Variants in CPAMD8 observed in about 807,000 individuals in gnomAD.
The protein encoded by CPAMD8 is C3 and PZP like alpha-2-macroglobulin domain containing 8.
A neutral mutation model predicts 224.7 loss-of-function variants in CPAMD8; 146 were observed. The ratio of observed to expected loss-of-function variants is 0.65; its 90% CI spans 0.57 to 0.75. The LOEUF (loss-of-function observed/expected upper bound fraction) is 0.75. CPAMD8 is among the 30% of genes least tolerant of loss of function. CPAMD8 has a pLI of 0.00. For synonymous variants in CPAMD8, 966 were observed against 1,044.6 expected, an observed-to-expected ratio of 0.92 and a Z score of 1.45; for missense variants, 2,301 against 2,537.5, an observed-to-expected ratio of 0.91 and a Z score of 2.00.
In CPAMD8 at chr19:16,898,119, C is replaced by A; in HGVS notation, c.4849-125G>T. 1 of 624,260 alleles carries A rather than the reference C, an allele frequency of 1.6e-6. No homozygotes were observed. The highest frequency in any genetic ancestry group is 2.0e-5 in the South Asian group (1 of 50,662). The allele number at this position is 624,260 out of a possible 1,614,324, so 38.7% of individuals were successfully genotyped here. A position where few individuals can be genotyped will look rare whatever the true frequency, so the allele number is the denominator to read the frequency against. The stretch of plus-strand genomic sequence containing the variant: ...GTGAAACACAGAAGAAACGTGATCC[C>A]ATTTTCTTTTTTTCTTTTACTTTTC... On this transcript the variant is annotated intron_variant, in intron 37 of 41. Transcript: ENST00000443236. The surrounding 1 kb of genome is among the most constrained non-coding windows in gnomAD (Gnocchi z 4.2).
intron 16 of CPAMD8, 63 bp downstream of exon 16, chr19:16,975,939 G>A: frequency 7.1e-7 from 1 of 1,403,892 alleles, no homozygotes; most frequent in Non-Finnish European, 9.4e-7. Flanking sequence ...GATGGGAAAG[G>A]GAGAGCAAGA....
intron 23 of CPAMD8, among the ~76,000 whole-genome samples, chr19:16,934,949 C>T (rs948823141): frequency 6.6e-6 from 1 of 152,100 alleles, no homozygotes; most frequent in African/African-American, 2.4e-5. Flanking sequence ...ACTCTGCACC[C>T]ATTATTACAT....
intron 22 of CPAMD8, 133 bp downstream of exon 22, chr19:16,945,416 G>T: frequency 8.4e-7 from 1 of 1,186,912 alleles, no homozygotes; most frequent in Non-Finnish European, 1.2e-6. Flanking sequence ...AGGCACCTGA[G>T]CTCTCAAGCA....
chr19:16,945,770 T>A, intron 21 of CPAMD8, 91 bp from the exon 22 acceptor site: 1 of 1,161,534 alleles, frequency 8.6e-7, no homozygotes, highest in Non-Finnish European at 1.3e-6. Context: ...TGTGTGTGCA[T>A]GCATGCATGT....
chr19:16,985,306 G>A lies in CPAMD8; in HGVS notation c.1395+4337C>T, dbSNP rs1411843020. Among the ~76,000 whole-genome samples the A allele has an allele frequency of 2.6e-5, 4 of 151,754 alleles. No individual in the cohort carries two copies. In the East Asian group the frequency reaches 7.8e-4, roughly 29 times the overall value. On this transcript the variant is annotated intron_variant, in intron 13 of 41. Transcript: ENST00000443236. ...TGGATGGATGAAGGGTGCATGTATGGATGGATGGATGAAGGGTGGATGAAT... is the reference window on the plus strand; with the variant it reads ...TGGATGGATGAAGGGTGCATGTATGAATGGATGGATGAAGGGTGGATGAAT...
intron 13 of CPAMD8, among the ~76,000 whole-genome samples, chr19:16,981,361 C>CA (rs139294536): frequency 0.057 from 8,546 of 149,626 alleles, 480 homozygotes; most frequent in African/African-American, 0.15. Context: ...ACCCTGTCTC[C>CA]AAAAAAAAAT....
At chr19:16,902,519 A>AAAAAC in intron 35 of CPAMD8, 130 bp downstream of exon 35, 2 of 632,534 alleles carry the variant, frequency 3.2e-6, no homozygotes, top group Admixed American at 2.7e-5. Flanking sequence ...TCTGTCTCAA[A>AAAAAC]AAAACAAAAC....
At chr19:16,922,095 A>C in intron 26 of CPAMD8, 109 bp from the exon 27 acceptor site, 1 of 690,470 alleles carries the variant, frequency 1.4e-6, no homozygotes, top group African/African-American at 1.8e-5. Flanking sequence ...CCGAAGCCAC[A>C]CCACATGTGG....
intron 7 of CPAMD8, among the ~76,000 whole-genome samples, chr19:17,005,907 G>T (rs1201349715): frequency 6.6e-6 from 1 of 152,112 alleles, no homozygotes; most frequent in African/African-American, 2.4e-5. Flanking sequence ...AGTGCTCCCT[G>T]AGAGAGGGGC....
At chr19:16,916,681 GTGACC>G (rs2052974521) in intron 27 of CPAMD8, among the ~76,000 whole-genome samples, 2 of 152,058 alleles carry the variant, frequency 1.3e-5, no homozygotes, top group Admixed American at 1.3e-4. Flanking sequence ...GGAGGTTGCA[GTGACC>G]TGAGATCGCA....
intron 23 of CPAMD8, among the ~76,000 whole-genome samples, chr19:16,933,418 A>G (rs59805679): frequency 0.049 from 7,516 of 152,232 alleles, 633 homozygotes; most frequent in African/African-American, 0.17. Context: ...TGGGAGAAAT[A>G]TTTTTGCAAA....
chr19:16,973,767 C>T (rs926970517), intron 17 of CPAMD8, among the ~76,000 whole-genome samples: 3 of 152,020 alleles, frequency 2.0e-5, no homozygotes, highest in African/African-American at 7.3e-5. Flanking sequence ...CATCCCAATC[C>T]CTTTCTATCT....
chr19:16,971,581 G>C (rs2055064411), intron 17 of CPAMD8, among the ~76,000 whole-genome samples: 1 of 152,160 alleles, frequency 6.6e-6, no homozygotes, highest in Admixed American at 6.6e-5. Context: ...TGACTGCCAG[G>C]GGCTGAGGGA....
intron 35 of CPAMD8, 87 bp downstream of exon 35, chr19:16,902,562 G>C (rs188980187): frequency 1.3e-6 from 1 of 768,544 alleles, no homozygotes; most frequent in East Asian, 2.8e-5. Flanking sequence ...GCCTGGAGCC[G>C]GAAGCTCCTC....
rs547247253 is a variant in CPAMD8, at chr19:16,897,650, G to A, written c.5065+41C>T. 159 of 1,183,904 alleles carry A rather than the reference G, an allele frequency of 1.3e-4. 1 individual carries two copies. In the African/African-American group the frequency reaches 2.2e-3, roughly 16 times the overall value. The allele number at this position is 1,183,904 out of a possible 1,614,324, so 73.3% of individuals were successfully genotyped here. The stretch of plus-strand genomic sequence containing the variant: ...GTCCGAGGGTGGGAGTCGGGGTGTG[G>A]CAGGCCGCGGTGGGGGGCGGCAGTG... On this transcript the variant is annotated intron_variant, in intron 39 of 41. Transcript: ENST00000443236.
At chr19:16,924,872 AC>A (rs2053303509) in intron 26 of CPAMD8, among the ~76,000 whole-genome samples, 1 of 152,326 alleles carries the variant, frequency 6.6e-6, no homozygotes, top group Non-Finnish European at 1.5e-5. Context: ...GGCATCAGCC[AC>A]TGTGCCTGGC....
intron 39 of CPAMD8, 172 bp downstream of exon 39, chr19:16,897,519 C>T (rs892467303): frequency 5.3e-6 from 3 of 565,478 alleles, no homozygotes; most frequent in Admixed American, 3.4e-5. Context: ...CTCCTCCAGC[C>T]CCGCCTCCCC....
chr19:17,020,243 G>A (rs1218421280), intron 3 of CPAMD8, 88 bp downstream of exon 3: 7 of 1,007,828 alleles, frequency 6.9e-6, no homozygotes, highest in African/African-American at 1.6e-5. Context: ...CAAAGTGCTG[G>A]GATTACATGT....
intron 1 of CPAMD8, 133 bp downstream of exon 1, chr19:17,026,418 G>T: frequency 1.9e-6 from 2 of 1,029,006 alleles, no homozygotes; most frequent in Non-Finnish European, 2.6e-6. Flanking sequence ...GACGATTCGG[G>T]AACAAGAGGC....
Sources: gnomAD v4.1 joint callset for allele counts (sites outside exome capture counted in the v4.1 genomes callset) on GRCh38, gnomAD v4.1.1 for gene constraint, Gnocchi (gnomAD v3.1) non-coding constraint, MANE v1.5 for transcripts, NCBI Gene and HGNC (gene_info 2026-07-23, HGNC 2026-07-21) for gene names.